MECOM: variants seen among roughly 807,000 people sequenced by gnomAD.
The protein encoded by MECOM is MDS1 and EVI1 complex locus.
In MECOM, 13 loss-of-function variants were observed where a neutral mutation model predicts 116.3. The observed-to-expected ratio is 0.11, with a 90% confidence interval of 0.07 to 0.18. The LOEUF is 0.18. MECOM is among the 10% of genes least tolerant of loss of function. The probability of loss-of-function intolerance (pLI) is 1.00; values close to 1 mark genes in which losing one functional copy is unlikely to be tolerated. For synonymous variants in MECOM, 528 were observed against 535.2 expected (o/e 0.99, Z 0.19); for missense variants, 1,299 against 1,509.0 (o/e 0.86, Z 2.31).
chr3:169,400,074 G>A (rs145589251), intron 1 of MECOM, among the ~76,000 whole-genome samples: 4 of 152,262 alleles, frequency 2.6e-5, no homozygotes, highest in East Asian at 1.9e-4. Context: ...GAAATTTGAC[G>A]TTCATTTTAA....
At chr3:169,483,012 A>G (rs1751564277) in intron 1 of MECOM, among the ~76,000 whole-genome samples, 1 of 152,130 alleles carries the variant, frequency 6.6e-6, no homozygotes, top group South Asian at 2.1e-4. Flanking sequence ...ACTTTGGTCC[A>G]TATTTTCCAC....
chr3:169,270,582 A>G (rs1758825117), intron 2 of MECOM, among the ~76,000 whole-genome samples: 1 of 152,174 alleles, frequency 6.6e-6, no homozygotes. Flanking sequence ...TAATATGTAT[A>G]CAAATATTAA....
chr3:169,242,891 T>G (rs1422395989), intron 2 of MECOM, among the ~76,000 whole-genome samples: 1 of 151,488 alleles, frequency 6.6e-6, no homozygotes, highest in East Asian at 1.9e-4. Context: ...CACTCCTTCC[T>G]TTGCCCCCTA....
chr3:169,382,884 A>C (rs1050545831), intron 1 of MECOM, among the ~76,000 whole-genome samples: 4 of 144,796 alleles, frequency 2.8e-5, no homozygotes, highest in Admixed American at 7.0e-5. Flanking sequence ...TAAAAAAAGA[A>C]GGTAAAATGG....
intron 1 of MECOM, among the ~76,000 whole-genome samples, chr3:169,410,161 A>T (rs537191419): frequency 6.6e-6 from 1 of 152,330 alleles, no homozygotes; most frequent in African/African-American, 2.4e-5. Flanking sequence ...CTTAGCACAA[A>T]AATTACCCAG....
At chr3:169,279,569 G>A (rs932805993) in intron 2 of MECOM, among the ~76,000 whole-genome samples, 1 of 152,176 alleles carries the variant, frequency 6.6e-6, no homozygotes, top group Admixed American at 6.5e-5. Flanking sequence ...AGAAAAGCTA[G>A]AGAATTTCAT....
chr3:169,283,573 A>C (rs1363222838), intron 2 of MECOM, among the ~76,000 whole-genome samples: 2 of 152,168 alleles, frequency 1.3e-5, no homozygotes, highest in African/African-American at 4.8e-5. Context: ...GTGAAGATGA[A>C]ATTTCTAATT....
At chr3:169,608,439 C>G (rs1258582788) in intron 1 of MECOM, among the ~76,000 whole-genome samples, 1 of 152,112 alleles carries the variant, frequency 6.6e-6, no homozygotes, top group African/African-American at 2.4e-5. Flanking sequence ...GTAATATGAC[C>G]TAGAGATTTT....
chr3:169,213,292 G>A (rs1295499138), intron 2 of MECOM, among the ~76,000 whole-genome samples: 10 of 151,990 alleles, frequency 6.6e-5, no homozygotes, highest in Non-Finnish European at 1.5e-4. Context: ...CATGTAAAAA[G>A]TAGAGTTAGG....
intron 1 of MECOM, among the ~76,000 whole-genome samples, chr3:169,493,009 C>G (rs1468876535): frequency 1.3e-5 from 2 of 152,124 alleles, no homozygotes. Flanking sequence ...ATCGTACCTA[C>G]CTGTCTTTTC....
intron 1 of MECOM, among the ~76,000 whole-genome samples, chr3:169,461,847 C>T (rs1747500409): frequency 6.6e-6 from 1 of 152,142 alleles, no homozygotes; most frequent in South Asian, 2.1e-4. Flanking sequence ...AAGGATCTTA[C>T]AGACCAATGG....
At chr3:169,343,443 C>A (rs190954772) in intron 2 of MECOM, among the ~76,000 whole-genome samples, 2 of 152,254 alleles carry the variant, frequency 1.3e-5, no homozygotes, top group Non-Finnish European at 2.9e-5. Flanking sequence ...AAGAAGGCCA[C>A]TGCTGCACAT....
chr3:169,149,943 G>C lies in MECOM; in HGVS notation c.376-6111C>G, dbSNP rs879280417. 6.0e-3 allele frequency among the ~76,000 whole-genome samples: 432 copies of C among 71,814 alleles called. 2 individuals carry two copies. Among genetic ancestry groups the C allele is most frequent in the East Asian group, 0.014 (42 of 2,960 alleles). 47.1% of individuals were successfully genotyped at this position (71,814 alleles called of 152,430 possible). A position where few individuals can be genotyped will look rare whatever the true frequency, so the allele number is the denominator to read the frequency against. On this transcript the variant is annotated intron_variant, in intron 2 of 16. Coordinates refer to ENST00000651503, the MANE Select transcript of MECOM (RefSeq NM_004991.4). ...TCTCTCTTTCTCTCTCTCTGTGTGT[G>C]TGTGTGTGTGTGTGTGTGTGTGTGT... is the stretch of plus-strand genomic sequence containing the variant.
chr3:169,505,308 A>AT (rs544457605), intron 1 of MECOM, among the ~76,000 whole-genome samples: 15,750 of 148,218 alleles, frequency 0.11, 2,379 homozygotes, highest in African/African-American at 0.34. Flanking sequence ...TAGAGCAGGA[A>AT]TTTTTTTTTT....
At chr3:169,212,182 C>T (rs1402601327) in intron 2 of MECOM, among the ~76,000 whole-genome samples, 1 of 151,966 alleles carries the variant, frequency 6.6e-6, no homozygotes, top group Non-Finnish European at 1.5e-5. Flanking sequence ...TCTCTCTCTC[C>T]TTCCACTACA....
intron 1 of MECOM, among the ~76,000 whole-genome samples, chr3:169,645,295 A>C (rs1024419408): frequency 5.5e-5 from 6 of 109,120 alleles, no homozygotes; most frequent in African/African-American, 2.9e-4. Context: ...GAGTAGACAG[A>C]TGTATTTTTT....
chr3:169,660,853 G>T (rs1776190681), intron 1 of MECOM, among the ~76,000 whole-genome samples: 1 of 152,168 alleles, frequency 6.6e-6, no homozygotes, highest in South Asian at 2.1e-4. Flanking sequence ...CTGAAGAATT[G>T]CAACGCAGCG....
At chr3:169,172,408 T>C (rs1460624418) in intron 2 of MECOM, among the ~76,000 whole-genome samples, 1 of 2,086 alleles carries the variant, frequency 4.8e-4, no homozygotes, top group Non-Finnish European at 7.9e-4. Flanking sequence ...TACCCTTGTA[T>C]GTGTGTGTGT....
intron 1 of MECOM, among the ~76,000 whole-genome samples, chr3:169,545,299 T>C (rs890710484): frequency 6.6e-6 from 1 of 152,188 alleles, no homozygotes; most frequent in Non-Finnish European, 1.5e-5. Context: ...TCTGTCTACA[T>C]ACACAAACTG....
Sources: allele counts gnomAD v4.1 joint callset (sites outside exome capture counted in the v4.1 genomes callset), GRCh38; gene constraint gnomAD v4.1.1; transcripts MANE v1.5; gene names NCBI Gene and HGNC (gene_info 2026-07-23, HGNC 2026-07-21).